ZNF670: variants seen among roughly 807,000 people sequenced by gnomAD.
ZNF670 encodes zinc finger protein 670.
ZNF670 carries 7 observed loss-of-function variants against 10.9 expected under a neutral mutation model. The observed-to-expected ratio is 0.64, with a 90% CI of 0.36 to 1.20. ZNF670 has a LOEUF of 1.20. Ranked by LOEUF, ZNF670 falls within the 50% of genes most tolerant of loss-of-function variation. The pLI, the probability that ZNF670 is intolerant of heterozygous loss-of-function variation, is 0.02. For missense variants in ZNF670, 446 were observed against 458.6 expected, an observed-to-expected ratio of 0.97 and a Z score of 0.25; for synonymous variants, 136 against 152.7, an observed-to-expected ratio of 0.89 and a Z score of 0.81.
intron 1 of ZNF670, among the ~76,000 whole-genome samples, chr1:247,058,709 T>A (rs1388700837): frequency 4.8e-5 from 6 of 124,260 alleles, no homozygotes; most frequent in Admixed American, 8.3e-5. Flanking sequence ...TACAGACAGT[T>A]AAAAAAAAAA....
chr1:247,068,829 CAAAAAAAAA>C (rs35582452), intron 1 of ZNF670, among the ~76,000 whole-genome samples: 5 of 85,594 alleles, frequency 5.8e-5, no homozygotes, highest in Admixed American at 3.8e-4. Context: ...ACTATTTTGC[CAAAAAAAAA>C]AAAAAAAAAA....
rs528036881 is a variant in ZNF670 at position 247,055,032 on chromosome 1, G to A, written c.4-15495C>T. Among the ~76,000 whole-genome samples the A allele has an allele frequency of 2.0e-5, 3 of 152,256 alleles. No individual in the cohort carries two copies. In the East Asian group the frequency reaches 5.8e-4, roughly 29 times the overall value. ...TGAAAAAAATCAGGCTGCAGGCACA[G>A]ATAAGGAAACTTGCACAAACCTCCA... On this transcript the variant is annotated intron_variant, in intron 1 of 3. Coordinates refer to ENST00000366503, the MANE Select transcript of ZNF670 (RefSeq NM_033213.5).
At chr1:247,044,616 C>T (rs1670396300) in intron 1 of ZNF670, among the ~76,000 whole-genome samples, 1 of 152,182 alleles carries the variant, frequency 6.6e-6, no homozygotes, top group East Asian at 1.9e-4. Flanking sequence ...CCATGGAATA[C>T]TATGCAGCTA....
intron 1 of ZNF670, 109 bp from the exon 2 acceptor site, chr1:247,039,646 C>A (rs778735433): frequency 1.7e-6 from 2 of 1,201,004 alleles, no homozygotes; most frequent in African/African-American, 1.6e-5. Flanking sequence ...TCAAACATTT[C>A]TTCCATGACC....
intron 1 of ZNF670, among the ~76,000 whole-genome samples, chr1:247,048,824 G>A (rs7519795): frequency 0.33 from 49,354 of 151,730 alleles, 8,795 homozygotes; most frequent in African/African-American, 0.46. Context: ...ATCAGATTTC[G>A]TGAGAACAAT....
intron 1 of ZNF670, chr1:247,042,897 T>C (rs777121470): frequency 1.5e-5 from 10 of 659,672 alleles, no homozygotes; most frequent in African/African-American, 8.9e-5. Context: ...AGCAGAGTGA[T>C]AAAGAATTAC....
chr1:247,040,689 T>A (rs1436908156), intron 1 of ZNF670, among the ~76,000 whole-genome samples: 2 of 152,100 alleles, frequency 1.3e-5, no homozygotes, highest in African/African-American at 2.4e-5. Flanking sequence ...TTATTTTATT[T>A]TTTTATTTTA....
intron 1 of ZNF670, among the ~76,000 whole-genome samples, chr1:247,063,764 C>A (rs1670919297): frequency 6.6e-6 from 1 of 151,916 alleles, no homozygotes; most frequent in Admixed American, 6.6e-5. Context: ...ACCACAACTA[C>A]CCCTCCACAC....
intron 1 of ZNF670, among the ~76,000 whole-genome samples, chr1:247,051,811 C>T (rs1205378718): frequency 1.1e-4 from 15 of 137,628 alleles, no homozygotes; most frequent in Admixed American, 4.5e-4. Context: ...TTTGTTGCAT[C>T]GGGTTAATTT....
intron 1 of ZNF670, among the ~76,000 whole-genome samples, chr1:247,072,198 T>C (rs1485354991): frequency 6.6e-6 from 1 of 151,796 alleles, no homozygotes; most frequent in Non-Finnish European, 1.5e-5. Flanking sequence ...TTGCCCAGGC[T>C]AAAGTGCAAT....
At chr1:247,070,456 G>T (rs1214979526) in intron 1 of ZNF670, among the ~76,000 whole-genome samples, 2 of 152,114 alleles carry the variant, frequency 1.3e-5, no homozygotes, top group Admixed American at 1.3e-4. Flanking sequence ...GGGCGACAGA[G>T]TGAGACTCCG....
rs922733751 is a variant in ZNF670, at chr1:247,078,673, G to A, written c.-77C>T. The A allele has an allele frequency of 1.3e-6, 2 of 1,549,452 alleles. No individual in the cohort carries two copies. The highest frequency in any genetic ancestry group is 1.8e-6 in the Non-Finnish European group (2 of 1,126,314). ...AGGTCCCAGAGCAACAGAAGCTGCCGCGGGACCACTTGGACCTCCCAGGGA... is the reference window on the plus strand; with the variant it reads ...AGGTCCCAGAGCAACAGAAGCTGCCACGGGACCACTTGGACCTCCCAGGGA... On this transcript the variant is annotated 5_prime_UTR_variant, in exon 1 of 4. Transcript: ENST00000366503.
At chr1:247,052,582 C>A (rs1670622814) in intron 1 of ZNF670, among the ~76,000 whole-genome samples, 1 of 151,990 alleles carries the variant, frequency 6.6e-6, no homozygotes, top group Admixed American at 6.6e-5. Context: ...GCTAATTACG[C>A]TAGCAATGAA....
chr1:247,078,576 C>A lies in ZNF670; in HGVS notation c.3+18G>T. ...GTTCCCTTTTCCCCTTCCCGAGACA[C>A]CTGGCCGGCACACTCACCATTTCCC... is the stretch of plus-strand genomic sequence containing the variant. On this transcript the variant is annotated intron_variant, in intron 1 of 3. Transcript: ENST00000366503. 6.2e-7 allele frequency: 1 copy of A among 1,613,912 alleles called. No homozygotes were observed. Among genetic ancestry groups the A allele is most frequent in the Non-Finnish European group, 8.5e-7 (1 of 1,179,898 alleles).
chr1:247,048,741 C>A (rs970758855), intron 1 of ZNF670, among the ~76,000 whole-genome samples: 2 of 152,130 alleles, frequency 1.3e-5, no homozygotes, highest in African/African-American at 4.8e-5. Flanking sequence ...GAAGGGGAAG[C>A]AAGGCACCTT....
intron 1 of ZNF670, among the ~76,000 whole-genome samples, chr1:247,047,749 C>T (rs1232674516): frequency 6.6e-6 from 1 of 152,210 alleles, no homozygotes; most frequent in African/African-American, 2.4e-5. Flanking sequence ...AGGCCCAACA[C>T]CAAGTAAAGG....
chr1:247,064,472 C>T (rs562219350), intron 1 of ZNF670, among the ~76,000 whole-genome samples: 1 of 152,336 alleles, frequency 6.6e-6, no homozygotes, highest in South Asian at 2.1e-4. Context: ...TGGCTTCCTT[C>T]CTGTGTTGGG....
At chr1:247,070,255 A>T (rs888997352) in intron 1 of ZNF670, among the ~76,000 whole-genome samples, 1 of 152,184 alleles carries the variant, frequency 6.6e-6, no homozygotes, top group African/African-American at 2.4e-5. Context: ...GCAGATCACG[A>T]GGTCAGGAGA....
intron 1 of ZNF670, chr1:247,043,597 G>A (rs1670370478): frequency 4.9e-6 from 3 of 616,152 alleles, no homozygotes; most frequent in Non-Finnish European, 9.1e-6. Context: ...AGCATTGGGA[G>A]CACCAGCAGA....
Sources: allele counts gnomAD v4.1 joint callset (sites outside exome capture counted in the v4.1 genomes callset), GRCh38; gene constraint gnomAD v4.1.1; transcripts MANE v1.5; gene names NCBI Gene and HGNC (gene_info 2026-07-23, HGNC 2026-07-21).